Variants in DACT3 observed in about 807,000 individuals in gnomAD.
DACT3 encodes dishevelled binding antagonist of beta catenin 3.
DACT3 carries 5 observed loss-of-function variants against 19.6 expected under a neutral mutation model. The observed-to-expected ratio is 0.26, with a 90% confidence interval of 0.13 to 0.54. The LOEUF is 0.54. Ranked by LOEUF, DACT3 falls within the 20% of genes least tolerant of loss-of-function variation. The pLI, the probability that DACT3 is intolerant of heterozygous loss-of-function variation, is 0.95. For synonymous variants in DACT3, 454 were observed against 428.1 expected (o/e 1.06, Z -0.75); for missense variants, 908 against 927.4 (o/e 0.98, Z 0.27).
In DACT3 at chr19:46,648,331, TCAACCAA is replaced by T; in HGVS notation, c.*144_*150del. 7.4e-7 allele frequency: 1 copy of T among 1,359,264 alleles called. No homozygotes were observed. Among genetic ancestry groups the T allele is most frequent in the South Asian group, 1.4e-5 (1 of 70,872 alleles). 84.2% of individuals were successfully genotyped at this position (1,359,264 alleles called of 1,614,324 possible). A position where few individuals can be genotyped will look rare whatever the true frequency, so the allele number is the denominator to read the frequency against. ...TCTCGGTGGTGGTGGGGGAGCCTTT[TCAACCAA>T]GACTGTTAGGAGTGGGGAGAGTGAG... On this transcript the variant is annotated 3_prime_UTR_variant, in exon 4 of 4. Coordinates refer to ENST00000391916, the MANE Select transcript of DACT3 (RefSeq NM_145056.3). This position sits in a 1 kb window ranked among gnomAD's most constrained non-coding sequence, Gnocchi z 5.1.
At chr19:46,657,079 A>G (rs2053038516) in intron 1 of DACT3, among the ~76,000 whole-genome samples, 1 of 152,272 alleles carries the variant, frequency 6.6e-6, no homozygotes, top group Admixed American at 6.5e-5. Flanking sequence ...ATGTTGGAAG[A>G]GGTCTGGGAG....
At chr19:46,656,710 C>T (rs1440238008) in intron 1 of DACT3, among the ~76,000 whole-genome samples, 3 of 152,128 alleles carry the variant, frequency 2.0e-5, no homozygotes, top group Non-Finnish European at 4.4e-5. Context: ...GAATACTATA[C>T]AGCTGTTAAA....
chr19:46,649,114 T>C lies in DACT3; in HGVS notation c.1258A>G (p.Lys420Glu), dbSNP rs1354776168. The change falls in exon 4 of 4, where the codon AAG becomes GAG. Residue 420 changes from lysine (K) to glutamate (E), a missense_variant. Physicochemically the swap from Lys to Glu is moderately conservative, Grantham distance 56. Around this residue, in one of 2 missense-constraint regions of DACT3, gnomAD observed 656 missense variants for 601.8 expected, o/e 1.09. Coordinates refer to ENST00000391916, the MANE Select transcript of DACT3 (RefSeq NM_145056.3). ...GTCTCAGACTGGGAGCGCGAGGCCTTGCGGGCCCTGGGCGAGCCGCGGCGG... is the reference window on the plus strand; with the variant it reads ...GTCTCAGACTGGGAGCGCGAGGCCTCGCGGGCCCTGGGCGAGCCGCGGCGG... ...SGRRGSPRAR[K>E]ASRSQSETSL... The C allele has an allele frequency of 5.4e-6, 7 of 1,289,470 alleles. No individual in the cohort carries two copies. The East Asian group carries it at 1.0e-4, about 19-fold the overall frequency. 79.9% of individuals were successfully genotyped at this position (1,289,470 alleles called of 1,614,324 possible).
At position 46,648,388 on chromosome 19, in the gene DACT3, C is replaced by G. The variant is rs1568692491; in HGVS notation, c.*94G>C. On this transcript the variant is annotated 3_prime_UTR_variant, in exon 4 of 4. Transcript: ENST00000391916. This position sits in a 1 kb window ranked among gnomAD's most constrained non-coding sequence, Gnocchi z 5.1. ...GGGGGGTCTTTGGAAGCAGAGAAAA[C>G]GATGGTCTTTGGAAGGTAGATGTGG... is the stretch of plus-strand genomic sequence containing the variant. 6.3e-7 allele frequency: 1 copy of G among 1,582,934 alleles called. No individual in the cohort carries two copies. The highest frequency in any genetic ancestry group is 1.4e-5 in the African/African-American group (1 of 73,532).
chr19:46,659,412 C>A (rs985199203), intron 1 of DACT3: 1 of 984,418 alleles, frequency 1.0e-6, no homozygotes, highest in African/African-American at 1.8e-5. Context: ...CAGCTACCCA[C>A]AGCTACCCCA....
intron 1 of DACT3, among the ~76,000 whole-genome samples, chr19:46,653,704 C>T (rs2053008787): frequency 6.6e-6 from 1 of 152,030 alleles, no homozygotes; most frequent in Admixed American, 6.6e-5. Flanking sequence ...CAGGCGCCCG[C>T]CACCACGCCC....
In DACT3 at chr19:46,650,043, A is replaced by C. The variant is rs117170595; in HGVS notation, c.500-171T>G. On this transcript the variant is annotated intron_variant, in intron 3 of 3. Transcript: ENST00000391916. ...TCCTTCTTGTAAAATTCATAATAAA[A>C]TCTTTACAGGGTCCTACAAGACCCT... 1,306 of 748,646 alleles carry C rather than the reference A, an allele frequency of 1.7e-3. 1 individual carries two copies. Among genetic ancestry groups the C allele is most frequent in the Middle Eastern group, 5.4e-3 (12 of 2,208 alleles). The allele number at this position is 748,646 out of a possible 1,614,324, so 46.4% of individuals were successfully genotyped here. A position where few individuals can be genotyped will look rare whatever the true frequency, so the allele number is the denominator to read the frequency against.
At chr19:46,657,557 G>A (rs562323431) in intron 1 of DACT3, among the ~76,000 whole-genome samples, 11 of 151,164 alleles carry the variant, frequency 7.3e-5, no homozygotes, top group Admixed American at 1.3e-4. Flanking sequence ...GTTCCACCAC[G>A]TTAGCCAAGA....
rs1428638422 is a variant in DACT3 at position 46,649,241 on chromosome 19, G to A, written c.1131C>T (p.Arg377=). 5.8e-6 allele frequency: 7 copies of A among 1,198,976 alleles called. No individual in the cohort carries two copies. In the South Asian group the frequency reaches 2.2e-4, roughly 37 times the overall value. 74.3% of individuals were successfully genotyped at this position (1,198,976 alleles called of 1,614,324 possible). The change falls in exon 4 of 4, where the codon CGC becomes CGT. Residue 377 remains arginine, a synonymous_variant. Coordinates refer to ENST00000391916, the MANE Select transcript of DACT3 (RefSeq NM_145056.3). ...GGCCGCGGGTCAGTGGCGGCGGTTT[G>A]CGGCGGGCGGCGCGGCCAGGGAGGC... ...TRGLPGRAAR[R]KPPPLTRGRS...
At chr19:46,655,696 G>A (rs866011660) in intron 1 of DACT3, among the ~76,000 whole-genome samples, 1 of 152,108 alleles carries the variant, frequency 6.6e-6, no homozygotes, top group Non-Finnish European at 1.5e-5. Context: ...CCCTAGGAAC[G>A]CGGAGATTTG....
chr19:46,651,644 T>TGTG (rs2052986031), intron 3 of DACT3: 2 of 134,662 alleles, frequency 1.5e-5, no homozygotes, highest in African/African-American at 5.7e-5. Context: ...CAGGCACTGT[T>TGTG]TGTGTGTGTG....
At chr19:46,650,734 G>A (rs1288338191) in intron 3 of DACT3, 2 of 151,956 alleles carry the variant, frequency 1.3e-5, no homozygotes, top group African/African-American at 2.4e-5. Flanking sequence ...TCTACTTATA[G>A]GACTCCAGCC....
chr19:46,654,548 C>A (rs2053018194), intron 1 of DACT3: 1 of 984,538 alleles, frequency 1.0e-6, no homozygotes, highest in Admixed American at 6.2e-5. Context: ...CTTCTTGCTG[C>A]AGGAAAAGAG....
At chr19:46,652,394 A>G in intron 3 of DACT3, 1 of 483,206 alleles carries the variant, frequency 2.1e-6, no homozygotes, top group East Asian at 3.1e-5. Flanking sequence ...TATGTTGGCC[A>G]GGCTGGTCTC....
At position 46,652,991 on chromosome 19, in the gene DACT3, C is replaced by A. The variant is rs1287418400; in HGVS notation, c.334G>T (p.Gly112Trp). 6.4e-7 allele frequency: 1 copy of A among 1,551,348 alleles called. No homozygotes were observed. Among genetic ancestry groups the A allele is most frequent in the South Asian group, 1.2e-5 (1 of 84,054 alleles). Residue 112 changes from glycine to tryptophan, a missense_variant, in exon 2 of 4, where the codon GGG becomes TGG. Gly to Trp is a radical substitution (Grantham distance 184). Coordinates refer to ENST00000391916, the MANE Select transcript of DACT3 (RefSeq NM_145056.3). The stretch of plus-strand genomic sequence containing the variant: ...CATCCATGCTCACCCGAGCTACGCC[C>A]GCTCTCCTGTTCCAGGCCCCCAGAC... Reference protein sequence around the residue: ...LESGGLEQESGRSSGFYEDPS... With the variant: ...LESGGLEQESWRSSGFYEDPS...
intron 1 of DACT3, chr19:46,654,877 C>G (rs1447918644): frequency 2.0e-6 from 2 of 983,990 alleles, no homozygotes; most frequent in South Asian, 4.7e-5. Flanking sequence ...CCCCCTAGAA[C>G]AGAAGCCCCC....
chr19:46,649,106 C>A lies in DACT3; in HGVS notation c.1266G>T (p.Ser422=). Residue 422 remains serine (S), a synonymous_variant, in exon 4 of 4, where the codon TCG becomes TCT. Coordinates refer to ENST00000391916, the MANE Select transcript of DACT3 (RefSeq NM_145056.3). ...RRGSPRARKA[S]RSQSETSLLG... is the part of the protein sequence containing the mutation. The stretch of plus-strand genomic sequence containing the variant: ...GCAGGCTGGTCTCAGACTGGGAGCG[C>A]GAGGCCTTGCGGGCCCTGGGCGAGC... 2 of 1,294,184 alleles carry A rather than the reference C, an allele frequency of 1.5e-6. No individual in the cohort carries two copies. Among genetic ancestry groups the A allele is most frequent in the Non-Finnish European group, 2.0e-6 (2 of 1,022,438 alleles). The allele number at this position is 1,294,184 out of a possible 1,614,324, so 80.2% of individuals were successfully genotyped here. A position where few individuals can be genotyped will look rare whatever the true frequency, so the allele number is the denominator to read the frequency against.
rs1018856624 is a variant in DACT3, at chr19:46,648,919, C to T, written c.1453G>A (p.Ala485Thr). The T allele has an allele frequency of 1.5e-6, 2 of 1,358,820 alleles. No homozygotes were observed. Among genetic ancestry groups the T allele is most frequent in the Non-Finnish European group, 1.9e-6 (2 of 1,062,962 alleles). 84.2% of individuals were successfully genotyped at this position (1,358,820 alleles called of 1,614,324 possible). The change falls in exon 4 of 4, where the codon GCC becomes ACC. Residue 485 changes from alanine (A) to threonine (T), a missense_variant. Physicochemically the swap from Ala to Thr is moderately conservative, Grantham distance 58. Coordinates refer to ENST00000391916, the MANE Select transcript of DACT3 (RefSeq NM_145056.3). This position sits in a 1 kb window ranked among gnomAD's most constrained non-coding sequence, Gnocchi z 5.1. ...CGGGGCCGCACGCGGCGCCCATCGG[C>T]AGCGTCGATCTCCGCAGTGGAGCGC... is the stretch of plus-strand genomic sequence containing the variant. The part of the protein sequence containing the change: ...RWRSTAEIDA[A>T]DGRRVRPRAP...
intron 3 of DACT3, chr19:46,651,580 G>A (rs1410365670): frequency 6.6e-6 from 1 of 151,752 alleles, no homozygotes. Context: ...CATGCACCAA[G>A]TCCAATGCCT....
Sources: allele counts gnomAD v4.1 joint callset (sites outside exome capture counted in the v4.1 genomes callset), GRCh38; gene constraint gnomAD v4.1.1; regional missense constraint gnomAD v4.1.1; non-coding constraint Gnocchi (gnomAD v3.1); transcripts MANE v1.5; gene names NCBI Gene and HGNC (gene_info 2026-07-23, HGNC 2026-07-21).